PLPP3: variants seen among roughly 807,000 people sequenced by gnomAD.
PLPP3 encodes phospholipid phosphatase 3.
In PLPP3, 6 loss-of-function variants were observed where a neutral mutation model predicts 29.6. The ratio of observed to expected loss-of-function variants is 0.20; its 90% CI spans 0.11 to 0.40. The LOEUF (loss-of-function observed/expected upper bound fraction) is 0.40. Ranked by LOEUF, PLPP3 falls within the 10% of genes least tolerant of loss-of-function variation. PLPP3 has a pLI of 1.00. For missense variants in PLPP3, 308 were observed against 407.7 expected (o/e 0.76, Z 2.11); for synonymous variants, 152 against 159.7 (o/e 0.95, Z 0.36).
intron 1 of PLPP3, among the ~76,000 whole-genome samples, chr1:56,574,198 C>CAA (rs796800020): frequency 2.6e-4 from 29 of 109,902 alleles, no homozygotes; most frequent in African/African-American, 6.9e-4. Context: ...GACTCTGTCT[C>CAA]AAAAAAAAAA....
intron 2 of PLPP3, among the ~76,000 whole-genome samples, chr1:56,526,323 C>T (rs1645852875): frequency 6.6e-6 from 1 of 152,184 alleles, no homozygotes; most frequent in Admixed American, 6.5e-5. Flanking sequence ...AGAGATTAAA[C>T]TCCAGGAAGC....
chr1:56,577,666 A>C (rs920100767), intron 1 of PLPP3, among the ~76,000 whole-genome samples: 1 of 152,198 alleles, frequency 6.6e-6, no homozygotes, highest in Non-Finnish European at 1.5e-5. Context: ...AAGTCTGTGC[A>C]GGAGCTGTAT....
At chr1:56,529,014 T>C (rs1457133761) in intron 2 of PLPP3, among the ~76,000 whole-genome samples, 2 of 151,820 alleles carry the variant, frequency 1.3e-5, no homozygotes, top group Admixed American at 1.3e-4. Flanking sequence ...TGAGAACTCA[T>C]CTTCCACCGC....
intron 1 of PLPP3, among the ~76,000 whole-genome samples, chr1:56,557,020 G>C (rs201676314): frequency 2.0e-4 from 1 of 5,078 alleles, no homozygotes; most frequent in East Asian, 3.5e-3. Flanking sequence ...GAGAGAGAGA[G>C]AGAGAAAGAG....
At chr1:56,503,363 G>T (rs1489929415) in intron 5 of PLPP3, among the ~76,000 whole-genome samples, 1 of 152,150 alleles carries the variant, frequency 6.6e-6, no homozygotes, top group African/African-American at 2.4e-5. Flanking sequence ...CAGATGATGG[G>T]TCTGCCCTGT....
At chr1:56,513,662 CTACTT>C (rs1645761203) in intron 4 of PLPP3, 7 of 152,036 alleles carry the variant, frequency 4.6e-5, no homozygotes, top group Admixed American at 4.6e-4. Flanking sequence ...AGACAGCAGA[CTACTT>C]TATAATCATT....
chr1:56,542,851 G>A (rs1270855926), intron 1 of PLPP3, among the ~76,000 whole-genome samples: 1 of 151,906 alleles, frequency 6.6e-6, no homozygotes, highest in Non-Finnish European at 1.5e-5. Context: ...ATGAAACTCC[G>A]TCTCTACCAA....
chr1:56,563,175 C>A (rs976838052), intron 1 of PLPP3, among the ~76,000 whole-genome samples: 1 of 152,120 alleles, frequency 6.6e-6, no homozygotes, highest in African/African-American at 2.4e-5. Flanking sequence ...TTCCATGGGT[C>A]TGTGTTTGTC....
intron 5 of PLPP3, among the ~76,000 whole-genome samples, chr1:56,511,638 G>A (rs567070846): frequency 6.6e-5 from 10 of 152,006 alleles, no homozygotes; most frequent in African/African-American, 2.4e-4. Context: ...CATGACCTTG[G>A]GTAAGTTTCT....
At chr1:56,521,068 T>C (rs972904514) in intron 4 of PLPP3, among the ~76,000 whole-genome samples, 2 of 150,762 alleles carry the variant, frequency 1.3e-5, no homozygotes, top group Admixed American at 6.6e-5. Context: ...GCCTCGTCTC[T>C]ACAAAAAAAT....
intron 1 of PLPP3, among the ~76,000 whole-genome samples, chr1:56,555,676 T>G (rs1159428331): frequency 6.6e-6 from 1 of 152,054 alleles, no homozygotes; most frequent in Non-Finnish European, 1.5e-5. Flanking sequence ...GCTTGGCTAA[T>G]TTCTTAATTT....
chr1:56,570,295 A>G (rs535821053), intron 1 of PLPP3, among the ~76,000 whole-genome samples: 1 of 152,344 alleles, frequency 6.6e-6, no homozygotes, highest in South Asian at 2.1e-4. Flanking sequence ...TGTTTTAGGG[A>G]TACATAAACA....
intron 1 of PLPP3, among the ~76,000 whole-genome samples, chr1:56,551,199 T>C (rs1346146713): frequency 6.6e-6 from 1 of 152,158 alleles, no homozygotes; most frequent in African/African-American, 2.4e-5. Context: ...TTGCGCACAA[T>C]GTGAACTGCA....
At chr1:56,498,370 G>C (rs540112459) in intron 5 of PLPP3, among the ~76,000 whole-genome samples, 32 of 152,276 alleles carry the variant, frequency 2.1e-4, no homozygotes, top group Admixed American at 5.9e-4. Context: ...AGTGTCCCCA[G>C]TATAAGGAAA....
Position 56,541,936 on chromosome 1 carries a change from GTGCATTACAAAATTTT to G in PLPP3, c.140-4840_140-4825del, listed in dbSNP as rs1007117132. On this transcript the variant is annotated intron_variant, in intron 1 of 5. Transcript: ENST00000371250. ...AGTTTAAATGTATTCGTAATAAAAG[GTGCATTACAAAATTTT>G]TGCAAAGCATGACCAAAAAAAAAAA... 8.8e-5 allele frequency among the ~76,000 whole-genome samples: 13 copies of G among 147,498 alleles called. No homozygotes were observed. In the South Asian group the frequency reaches 2.4e-3, roughly 27 times the overall value.
intron 1 of PLPP3, among the ~76,000 whole-genome samples, chr1:56,557,026 A>AAGAGAGAGAGAG (rs771132203): frequency 2.1e-4 from 2 of 9,528 alleles, no homozygotes; most frequent in South Asian, 2.6e-3. Flanking sequence ...GAGAGAGAGA[A>AAGAGAGAGAGAG]AGAGAGAGAG....
In PLPP3 at chr1:56,573,543, G is replaced by A. The variant is rs548251670; in HGVS notation, c.139+5335C>T. Among the ~76,000 whole-genome samples, 3 of 152,226 alleles carry A rather than the reference G, an allele frequency of 2.0e-5. No homozygotes were observed. The East Asian group carries it at 5.8e-4, about 29-fold the overall frequency. ...TAAAATTGGCCTGATAAGAATCACC[G>A]GCAGCGTTTATAAAACACAGAATCC... is the stretch of plus-strand genomic sequence containing the variant. On this transcript the variant is annotated intron_variant, in intron 1 of 5. Coordinates refer to ENST00000371250, the MANE Select transcript of PLPP3 (RefSeq NM_003713.5).
chr1:56,499,365 T>C (rs1645651304), intron 5 of PLPP3, among the ~76,000 whole-genome samples: 1 of 152,186 alleles, frequency 6.6e-6, no homozygotes, highest in Admixed American at 6.5e-5. Context: ...TCCAAAACTA[T>C]GCTTATCGAC....
chr1:56,567,393 C>CTTTTTTTTT (rs1172831045), intron 1 of PLPP3, among the ~76,000 whole-genome samples: 1 of 117,008 alleles, frequency 8.5e-6, no homozygotes, highest in Non-Finnish European at 1.7e-5. Context: ...TAAGGTATTT[C>CTTTTTTTTT]TTTTTTTTTT....
Sources: allele counts gnomAD v4.1 joint callset (sites outside exome capture counted in the v4.1 genomes callset), GRCh38; gene constraint gnomAD v4.1.1; transcripts MANE v1.5; gene names NCBI Gene and HGNC (gene_info 2026-07-23, HGNC 2026-07-21).